Variants in TMEM108 observed in about 807,000 individuals in gnomAD.
The protein encoded by TMEM108 is cancer/testis antigen 124.
A neutral mutation model predicts 35.1 loss-of-function variants in TMEM108; 12 were observed. That is an observed-to-expected ratio of 0.34 (90% confidence interval 0.22 to 0.55). The LOEUF is 0.55. Among genes scored for constraint, TMEM108 ranks in the 20% least tolerant of loss-of-function variants. The probability of loss-of-function intolerance (pLI) is 0.89; values close to 1 mark genes in which losing one functional copy is unlikely to be tolerated. For synonymous variants in TMEM108, 287 were observed against 308.6 expected (o/e 0.93, Z 0.73); for missense variants, 680 against 753.3 (o/e 0.90, Z 1.14).
At chr3:133,160,035 A>G (rs1008617563) in intron 2 of TMEM108, among the ~76,000 whole-genome samples, 1 of 152,178 alleles carries the variant, frequency 6.6e-6, no homozygotes, top group Non-Finnish European at 1.5e-5. Context: ...GTTCACAGTC[A>G]CCTTCTTTGT....
chr3:133,040,508 T>A (rs974046864), intron 1 of TMEM108, among the ~76,000 whole-genome samples: 15 of 148,520 alleles, frequency 1.0e-4, no homozygotes, highest in East Asian at 2.0e-4. Context: ...GGCCAGAAAA[T>A]TTTTTTTTTT....
At chr3:133,362,925 C>T (rs1456894352) in intron 3 of TMEM108, among the ~76,000 whole-genome samples, 1 of 152,156 alleles carries the variant, frequency 6.6e-6, no homozygotes, top group Non-Finnish European at 1.5e-5. Flanking sequence ...TCTTGGCTCT[C>T]TTTAGATTAA....
At chr3:133,108,797 T>G (rs1944190268) in intron 2 of TMEM108, among the ~76,000 whole-genome samples, 1 of 133,852 alleles carries the variant, frequency 7.5e-6, no homozygotes, top group African/African-American at 2.8e-5. Context: ...TGAGAACACA[T>G]GGACACAGGA....
chr3:133,047,838 G>A (rs1348744489), intron 2 of TMEM108, among the ~76,000 whole-genome samples: 1 of 152,164 alleles, frequency 6.6e-6, no homozygotes, highest in African/African-American at 2.4e-5. Flanking sequence ...ATGAAGTAAT[G>A]TACATAGTAC....
intron 2 of TMEM108, among the ~76,000 whole-genome samples, chr3:133,173,793 T>C (rs997552387): frequency 6.6e-6 from 1 of 152,202 alleles, no homozygotes; most frequent in Non-Finnish European, 1.5e-5. Context: ...GATTTCTGCA[T>C]ATCCAACTGA....
At chr3:133,147,892 G>A (rs1944744188) in intron 2 of TMEM108, among the ~76,000 whole-genome samples, 1 of 151,232 alleles carries the variant, frequency 6.6e-6, no homozygotes, top group South Asian at 2.1e-4. Context: ...TTATTTTAAT[G>A]CATATTTGGA....
At chr3:133,159,434 C>T (rs577456201) in intron 2 of TMEM108, among the ~76,000 whole-genome samples, 4 of 152,242 alleles carry the variant, frequency 2.6e-5, no homozygotes, top group South Asian at 4.2e-4. Context: ...TACTTTCCTC[C>T]GTTCACTGCA....
chr3:133,324,614 TC>T (rs2071307128), intron 3 of TMEM108, among the ~76,000 whole-genome samples: 1 of 152,168 alleles, frequency 6.6e-6, no homozygotes, highest in Admixed American at 6.5e-5. Context: ...GTATGGAGAT[TC>T]CTCAAAGAAC....
At chr3:133,203,506 C>T (rs754294622) in intron 2 of TMEM108, among the ~76,000 whole-genome samples, 5 of 151,972 alleles carry the variant, frequency 3.3e-5, no homozygotes, top group Admixed American at 6.6e-5. Flanking sequence ...AGCGTGAATG[C>T]GTGTTGAATT....
At chr3:133,321,196 A>G (rs996803617) in intron 3 of TMEM108, among the ~76,000 whole-genome samples, 2 of 152,068 alleles carry the variant, frequency 1.3e-5, no homozygotes, top group Non-Finnish European at 2.9e-5. Context: ...AATGGATTAA[A>G]TGTTCCACTT....
intron 3 of TMEM108, among the ~76,000 whole-genome samples, chr3:133,268,674 AT>A (rs1321680602): frequency 6.6e-6 from 1 of 152,218 alleles, no homozygotes; most frequent in Non-Finnish European, 1.5e-5. Context: ...AACCATGTAA[AT>A]AAATGTTGCC....
intron 2 of TMEM108, among the ~76,000 whole-genome samples, chr3:133,078,086 C>T (rs1477049182): frequency 4.0e-5 from 6 of 150,670 alleles, no homozygotes; most frequent in Non-Finnish European, 7.4e-5. Context: ...CAAAATGGGG[C>T]AAGGCTGTCT....
chr3:133,220,774 A>G (rs1407180887), intron 2 of TMEM108, among the ~76,000 whole-genome samples: 1 of 152,158 alleles, frequency 6.6e-6, no homozygotes, highest in Non-Finnish European at 1.5e-5. Context: ...CAGTCCCACA[A>G]GACTGCTCCC....
intron 2 of TMEM108, among the ~76,000 whole-genome samples, chr3:133,212,222 GTC>G (rs1945842757): frequency 6.6e-6 from 1 of 152,174 alleles, no homozygotes. Flanking sequence ...CTGGCTTGTA[GTC>G]TTGGCCTACA....
intron 2 of TMEM108, among the ~76,000 whole-genome samples, chr3:133,071,813 G>T (rs1943679242): frequency 6.6e-6 from 1 of 152,012 alleles, no homozygotes; most frequent in African/African-American, 2.4e-5. Flanking sequence ...TGATATTGTT[G>T]TTTGATGTAC....
rs1313015102 is a variant in TMEM108 at position 133,397,624 on chromosome 3, A to T, written c.*1638A>T. 1 of 152,166 alleles carries T rather than the reference A, an allele frequency of 6.6e-6. No individual in the cohort carries two copies. The highest frequency in any genetic ancestry group is 1.5e-5 in the Non-Finnish European group (1 of 68,024). The allele number at this position is 152,166 out of a possible 1,614,324, so 9.4% of individuals were successfully genotyped here. On this transcript the variant is annotated 3_prime_UTR_variant, in exon 6 of 6. Coordinates refer to ENST00000321871, the MANE Select transcript of TMEM108 (RefSeq NM_023943.4). ...CAATGTGTGTAAGTATACAGAGAAA[A>T]ATCTGTTTGTAAAGTAAAATTTATA...
chr3:133,328,428 A>G (rs1035659779), intron 3 of TMEM108, among the ~76,000 whole-genome samples: 8 of 152,208 alleles, frequency 5.3e-5, no homozygotes, highest in Non-Finnish European at 1.0e-4. Context: ...CCTACTAAAG[A>G]TAAATGAAAG....
intron 3 of TMEM108, among the ~76,000 whole-genome samples, chr3:133,376,848 C>T (rs2072857893): frequency 6.6e-6 from 1 of 152,188 alleles, no homozygotes; most frequent in African/African-American, 2.4e-5. Context: ...GATCTCTTAA[C>T]ATAAGGCATG....
intron 2 of TMEM108, among the ~76,000 whole-genome samples, chr3:133,111,304 A>C (rs186609300): frequency 6.6e-6 from 1 of 152,306 alleles, no homozygotes; most frequent in East Asian, 1.9e-4. Context: ...TTATTTGCCC[A>C]GGAAGTAAAT....
Sources: allele counts gnomAD v4.1 joint callset (sites outside exome capture counted in the v4.1 genomes callset), GRCh38; gene constraint gnomAD v4.1.1; transcripts MANE v1.5; gene names NCBI Gene and HGNC (gene_info 2026-07-23, HGNC 2026-07-21).